Variants in ALMS1 observed in about 807,000 individuals in gnomAD.
The protein encoded by ALMS1 is centrosome-associated protein ALMS1.
In ALMS1, 271 loss-of-function variants were observed where a neutral mutation model predicts 352.2. That is an observed-to-expected ratio of 0.77 (90% CI 0.70 to 0.85). The LOEUF is 0.85. ALMS1 is among the 40% of genes least tolerant of loss of function. The pLI is 0.00. For synonymous variants in ALMS1, 1,865 were observed against 1,761.2 expected, an observed-to-expected ratio of 1.06 and a Z score of -1.48; for missense variants, 5,445 against 4,870.7, an observed-to-expected ratio of 1.12 and a Z score of -3.51.
chr2:73,519,127 C>G (rs1673619798), intron 10 of ALMS1, among the ~76,000 whole-genome samples: 1 of 152,150 alleles, frequency 6.6e-6, no homozygotes, highest in Admixed American at 6.6e-5. Flanking sequence ...GTTACTATTT[C>G]TTCCTTCTTA....
intron 9 of ALMS1, among the ~76,000 whole-genome samples, chr2:73,482,389 T>C (rs1672729703): frequency 6.6e-6 from 1 of 152,218 alleles, no homozygotes; most frequent in Non-Finnish European, 1.5e-5. Flanking sequence ...TTTATTGATT[T>C]GCATATATTG....
chr2:73,404,800 C>A (rs1392936416), intron 1 of ALMS1, among the ~76,000 whole-genome samples: 2 of 151,354 alleles, frequency 1.3e-5, no homozygotes, highest in Non-Finnish European at 2.9e-5. Flanking sequence ...TGGAATGTTC[C>A]CTCCTGTGCA....
At chr2:73,437,281 A>G (rs570316323) in intron 7 of ALMS1, among the ~76,000 whole-genome samples, 33 of 152,302 alleles carry the variant, frequency 2.2e-4, no homozygotes, top group African/African-American at 7.0e-4. Flanking sequence ...TTCTCTTGGA[A>G]TAACACACCC....
At chr2:73,491,804 G>A (rs1672994109) in intron 10 of ALMS1, among the ~76,000 whole-genome samples, 1 of 152,206 alleles carries the variant, frequency 6.6e-6, no homozygotes. Flanking sequence ...TATTTACTGT[G>A]TTGGACATAT....
intron 9 of ALMS1, among the ~76,000 whole-genome samples, chr2:73,481,802 A>G (rs1672711691): frequency 6.6e-6 from 1 of 151,226 alleles, no homozygotes; most frequent in South Asian, 2.1e-4. Context: ...CATCCCTTGT[A>G]AGTTGGATTC....
At chr2:73,537,268 T>A (rs1394756563) in intron 12 of ALMS1, among the ~76,000 whole-genome samples, 1 of 152,192 alleles carries the variant, frequency 6.6e-6, no homozygotes, top group East Asian at 1.9e-4. Flanking sequence ...GAGGATAAGA[T>A]GTTGATAGAT....
At chr2:73,567,341 G>A (rs1386798839) in intron 15 of ALMS1, among the ~76,000 whole-genome samples, 1 of 152,150 alleles carries the variant, frequency 6.6e-6, no homozygotes, top group East Asian at 1.9e-4. Context: ...CTCTTGAACT[G>A]TTTCAAGAAC....
chr2:73,525,713 T>G lies in ALMS1; in HGVS notation c.9781+5697T>G, dbSNP rs548421768. The stretch of plus-strand genomic sequence containing the variant: ...GTCAGATGGATAGTTTGCAAATGTT[T>G]CCTCCTATTCGGTGGTTTGTCTCTT... On this transcript the variant is annotated intron_variant, in intron 11 of 22. Coordinates refer to ENST00000613296, the MANE Select transcript of ALMS1 (RefSeq NM_001378454.1). 9.8e-5 allele frequency among the ~76,000 whole-genome samples: 15 copies of G among 152,356 alleles called. No homozygotes were observed. The East Asian group carries it at 2.9e-3, about 29-fold the overall frequency.
At chr2:73,546,556 A>G (rs1674324631) in intron 12 of ALMS1, among the ~76,000 whole-genome samples, 1 of 152,226 alleles carries the variant, frequency 6.6e-6, no homozygotes, top group Non-Finnish European at 1.5e-5. Flanking sequence ...ATAAATAAGT[A>G]CGTAATTACA....
chr2:73,430,962 T>G (rs1671487984), intron 6 of ALMS1, among the ~76,000 whole-genome samples: 1 of 152,192 alleles, frequency 6.6e-6, no homozygotes. Flanking sequence ...CAGAGAAGTT[T>G]CCTGTAGGAG....
chr2:73,478,133 T>C (rs922037538), intron 9 of ALMS1, among the ~76,000 whole-genome samples: 1 of 152,148 alleles, frequency 6.6e-6, no homozygotes, highest in African/African-American at 2.4e-5. Flanking sequence ...GTTAAAGAAA[T>C]CCCTTCCATT....
intron 9 of ALMS1, among the ~76,000 whole-genome samples, chr2:73,467,722 T>C (rs1214609559): frequency 6.6e-6 from 1 of 152,088 alleles, no homozygotes; most frequent in African/African-American, 2.4e-5. Flanking sequence ...GAATCAATTA[T>C]GCTTTATTCA....
In ALMS1 at chr2:73,407,259, C is replaced by G. The variant is rs193067266; in HGVS notation, c.325-1363C>G. On this transcript the variant is annotated intron_variant, in intron 1 of 22. Transcript: ENST00000613296. Reference sequence around the variant, plus strand: ...CATGATAAGCCATTAATCCATTAATCCATCAAGTCATTAAGCCGTTCAGAT... The same window carrying G: ...CATGATAAGCCATTAATCCATTAATGCATCAAGTCATTAAGCCGTTCAGAT... Among the ~76,000 whole-genome samples the G allele has an allele frequency of 6.8e-3, 1,035 of 152,216 alleles. 39 individuals are homozygous for G. The highest frequency in any genetic ancestry group is 0.061 in the Admixed American group (929 of 15,290).
intron 15 of ALMS1, among the ~76,000 whole-genome samples, chr2:73,564,893 C>G (rs1003863042): frequency 6.6e-6 from 1 of 152,190 alleles, no homozygotes; most frequent in Non-Finnish European, 1.5e-5. Context: ...TAACCACAAA[C>G]TAGTGTTCAC....
Position 73,489,900 on chromosome 2 carries a change from G to T in ALMS1, c.7941G>T (p.Gln2647His). The change falls in exon 10 of 23, where the codon CAG becomes CAT. Residue 2647 changes from glutamine to histidine, a missense_variant. Coordinates refer to ENST00000613296, the MANE Select transcript of ALMS1 (RefSeq NM_001378454.1). ...ATTTCAAAGTTTGGAATTCCTTGCA[G>T]TTAAAAAGTCATTCCCCATTTCAGA... is the stretch of plus-strand genomic sequence containing the variant. ...NSHFKVWNSL[Q>H]LKSHSPFQNF... The T allele has an allele frequency of 6.2e-7, 1 of 1,614,196 alleles. No homozygotes were observed. The highest frequency in any genetic ancestry group is 8.5e-7 in the Non-Finnish European group (1 of 1,180,040).
chr2:73,436,072 G>A (rs990578512), intron 7 of ALMS1, among the ~76,000 whole-genome samples: 7 of 152,152 alleles, frequency 4.6e-5, no homozygotes, highest in African/African-American at 1.7e-4. Flanking sequence ...GTTATTTCTT[G>A]TAAGATGGAT....
At chr2:73,534,142 A>G (rs1673978913) in intron 11 of ALMS1, among the ~76,000 whole-genome samples, 1 of 152,204 alleles carries the variant, frequency 6.6e-6, no homozygotes, top group African/African-American at 2.4e-5. Context: ...CAAATTATGC[A>G]TACTATATGC....
chr2:73,395,019 T>TATATATGTGTAC (rs1326044103), intron 1 of ALMS1, among the ~76,000 whole-genome samples: 1 of 142,668 alleles, frequency 7.0e-6, no homozygotes, highest in African/African-American at 2.6e-5. Flanking sequence ...TATATGTGTA[T>TATATATGTGTAC]ATATATGTGT....
At chr2:73,400,037 A>C (rs981762211) in intron 1 of ALMS1, among the ~76,000 whole-genome samples, 9 of 150,276 alleles carry the variant, frequency 6.0e-5, no homozygotes, top group African/African-American at 2.0e-4. Context: ...TCCAAGGCTC[A>C]AGCCGTCCTC....
Sources: allele counts gnomAD v4.1 joint callset (sites outside exome capture counted in the v4.1 genomes callset), GRCh38; gene constraint gnomAD v4.1.1; transcripts MANE v1.5; gene names NCBI Gene and HGNC (gene_info 2026-07-23, HGNC 2026-07-21).